DOCK7: variants seen among roughly 807,000 people sequenced by gnomAD.
DOCK7 encodes the protein dedicator of cytokinesis protein 7.
DOCK7 carries 138 observed loss-of-function variants against 271.0 expected under a neutral mutation model. The ratio of observed to expected loss-of-function variants is 0.51; its 90% confidence interval spans 0.44 to 0.59. DOCK7 has a LOEUF of 0.59. Ranked by LOEUF, DOCK7 falls within the 20% of genes least tolerant of loss-of-function variation. The probability of loss-of-function intolerance (pLI) is 0.00; values close to 1 mark genes in which losing one functional copy is unlikely to be tolerated. For missense variants in DOCK7, 2,066 were observed against 2,592.4 expected, an observed-to-expected ratio of 0.80 and a Z score of 4.41; for synonymous variants, 823 against 876.1, an observed-to-expected ratio of 0.94 and a Z score of 1.07.
intron 11 of DOCK7, among the ~76,000 whole-genome samples, chr1:62,630,542 C>T (rs558173835): frequency 6.6e-6 from 1 of 152,206 alleles, no homozygotes; most frequent in African/African-American, 2.4e-5. Context: ...CCTTACGCTG[C>T]TACCACTTAA....
At chr1:62,601,658 G>C in intron 14 of DOCK7, 1 of 743,964 alleles carries the variant, frequency 1.3e-6, no homozygotes, top group Non-Finnish European at 2.3e-6. Flanking sequence ...AAACATTACT[G>C]AAAAAATGCT....
chr1:62,674,025 C>T lies in DOCK7; in HGVS notation c.39-10895G>A, dbSNP rs554140808. Among the ~76,000 whole-genome samples the T allele has an allele frequency of 3.2e-4, 48 of 151,990 alleles. No individual in the cohort carries two copies. The South Asian group carries it at 8.9e-3, about 28-fold the overall frequency. Reference sequence around the variant, plus strand: ...AGGAAGAAATAAAACTGTCTTTACTCACAGAAAAAATTATCCTGTATACAG... The same window carrying T: ...AGGAAGAAATAAAACTGTCTTTACTTACAGAAAAAATTATCCTGTATACAG... On this transcript the variant is annotated intron_variant, in intron 1 of 49. Transcript: ENST00000635253.
At chr1:62,584,910 AG>A (rs1216201449) in intron 15 of DOCK7, 23 of 700,388 alleles carry the variant, frequency 3.3e-5, no homozygotes, top group Non-Finnish European at 5.3e-5. Context: ...TGATAAGACA[AG>A]GAAGAGTTTG....
chr1:62,561,991 C>CATATATGTATAT (rs1294406764), intron 18 of DOCK7, among the ~76,000 whole-genome samples: 1 of 151,272 alleles, frequency 6.6e-6, no homozygotes, highest in Admixed American at 6.6e-5. Context: ...CATATATGTA[C>CATATATGTATAT]ATATATGTAC....
At chr1:62,633,642 T>C (rs372215891) in intron 9 of DOCK7, 64 bp from the exon 10 acceptor site, 11 of 1,134,558 alleles carry the variant, frequency 9.7e-6, no homozygotes, top group South Asian at 7.7e-5. Flanking sequence ...GATGGTTCAA[T>C]ATACGAAAAT....
At chr1:62,508,124 AG>A (rs1646996770) in intron 34 of DOCK7, 66 bp from the exon 35 acceptor site, 1 of 1,407,022 alleles carries the variant, frequency 7.1e-7, no homozygotes, top group African/African-American at 1.5e-5. Flanking sequence ...AAAAGACTTA[AG>A]GATGCATAGA....
At chr1:62,563,898 A>G (rs1482361287) in intron 18 of DOCK7, among the ~76,000 whole-genome samples, 1 of 118,254 alleles carries the variant, frequency 8.5e-6, no homozygotes, top group Non-Finnish European at 1.8e-5. Flanking sequence ...AAAAAAAAAA[A>G]AAAAAAGGCA....
chr1:62,457,601 T>G lies in DOCK7; in HGVS notation c.6317A>C (p.Gln2106Pro). ...RNYHRLKEAL[Q>P]PLINRKIPQL... ...AGGGATCTTTCTGTTGATCAGTGGC[T>G]GTAGGGCCTCTTTAAGGCGATGATA... The change falls in exon 49 of 50, where the codon CAG (glutamine) becomes CCG (proline). Residue 2106 changes from glutamine to proline, a missense_variant. By Grantham distance (76) the Gln-to-Pro change is moderately conservative. Transcript: ENST00000635253. The G allele has an allele frequency of 6.2e-7, 1 of 1,614,210 alleles. No individual in the cohort carries two copies. The highest frequency in any genetic ancestry group is 8.5e-7 in the Non-Finnish European group (1 of 1,180,034).
chr1:62,571,555 T>C (rs1571598030), intron 18 of DOCK7, among the ~76,000 whole-genome samples: 1 of 152,204 alleles, frequency 6.6e-6, no homozygotes, highest in Admixed American at 6.5e-5. Context: ...TTACTGGGTA[T>C]ATACCCAAAG....
chr1:62,680,234 C>A (rs1660964505), intron 1 of DOCK7, among the ~76,000 whole-genome samples: 1 of 152,172 alleles, frequency 6.6e-6, no homozygotes, highest in African/African-American at 2.4e-5. Flanking sequence ...AATAATACCA[C>A]TCATCTACAA....
chr1:62,620,560 C>G (rs1416572101), intron 12 of DOCK7, among the ~76,000 whole-genome samples: 1 of 151,612 alleles, frequency 6.6e-6, no homozygotes, highest in Non-Finnish European at 1.5e-5. Flanking sequence ...TAAAGTATTA[C>G]AAAATACTCT....
intron 15 of DOCK7, chr1:62,584,262 C>G: frequency 9.2e-6 from 9 of 973,602 alleles, no homozygotes; most frequent in Non-Finnish European, 1.1e-5. Flanking sequence ...TATGACTTTC[C>G]TAAGATATAT....
chr1:62,674,493 T>A (rs1027772976), intron 1 of DOCK7, among the ~76,000 whole-genome samples: 1 of 152,084 alleles, frequency 6.6e-6, no homozygotes, highest in African/African-American at 2.4e-5. Context: ...AAATCCAGAA[T>A]AGACAAAGCA....
intron 1 of DOCK7, among the ~76,000 whole-genome samples, chr1:62,685,333 T>C (rs1661604320): frequency 6.6e-6 from 1 of 152,236 alleles, no homozygotes; most frequent in African/African-American, 2.4e-5. Context: ...ATTTGTGCTA[T>C]ACTTCCTCTA....
chr1:62,584,603 A>T (rs1557756922), intron 15 of DOCK7: 13 of 1,265,710 alleles, frequency 1.0e-5, no homozygotes, highest in Non-Finnish European at 1.3e-5. Flanking sequence ...CATAAAGCAG[A>T]CAGTGTTCCT....
intron 15 of DOCK7, chr1:62,584,302 T>C: frequency 3.1e-6 from 3 of 978,120 alleles, no homozygotes; most frequent in Non-Finnish European, 2.4e-6. Flanking sequence ...AATACCTTAG[T>C]ATGTTTTCAT....
At chr1:62,654,497 A>G (rs183628337) in intron 2 of DOCK7, among the ~76,000 whole-genome samples, 1 of 152,126 alleles carries the variant, frequency 6.6e-6, no homozygotes, top group Non-Finnish European at 1.5e-5. Flanking sequence ...ATATCTTTGG[A>G]TATTAAAAAA....
intron 48 of DOCK7, among the ~76,000 whole-genome samples, chr1:62,465,539 T>C (rs1421810589): frequency 3.9e-5 from 6 of 151,952 alleles, no homozygotes; most frequent in Non-Finnish European, 8.8e-5. Flanking sequence ...TTTTGTGAAA[T>C]ACTGTTTTTG....
chr1:62,474,046 T>C lies in DOCK7; in HGVS notation c.6148A>G (p.Ser2050Gly), dbSNP rs2149256597. ...VAQVFLSEIP[S>G]DPKLFRHHNK... ...TGATGTCTGAAGAGCTTTGGGTCACTAGGTATTTCAGACAGAAAAACCTGG... is the reference window on the plus strand; with the variant it reads ...TGATGTCTGAAGAGCTTTGGGTCACCAGGTATTTCAGACAGAAAAACCTGG... The change falls in exon 48 of 50, where the codon AGT becomes GGT. Residue 2050 changes from serine to glycine, a missense_variant. Transcript: ENST00000635253. 7 of 1,614,088 alleles carry C rather than the reference T, an allele frequency of 4.3e-6. No homozygotes were observed. The highest frequency in any genetic ancestry group is 1.3e-5 in the African/African-American group (1 of 75,066).
Sources: allele counts gnomAD v4.1 joint callset (sites outside exome capture counted in the v4.1 genomes callset), GRCh38; gene constraint gnomAD v4.1.1; transcripts MANE v1.5; gene names NCBI Gene and HGNC (gene_info 2026-07-23, HGNC 2026-07-21).